The following ARHGEF2 variants were observed in gnomAD, a reference collection of about 807,000 sequenced individuals.
ARHGEF2 encodes rho guanine nucleotide exchange factor 2.
ARHGEF2 carries 22 observed loss-of-function variants against 121.0 expected under a neutral mutation model. The observed-to-expected ratio is 0.18, with a 90% CI of 0.13 to 0.26. ARHGEF2 has a LOEUF of 0.26. Ranked by LOEUF, ARHGEF2 falls within the 10% of genes least tolerant of loss-of-function variation. The pLI is 1.00. For missense variants in ARHGEF2, 907 were observed against 1,336.0 expected (o/e 0.68, Z 5.01); for synonymous variants, 487 against 530.0 (o/e 0.92, Z 1.11).
chr1:155,963,667 T>A (rs1678445113), intron 7 of ARHGEF2, among the ~76,000 whole-genome samples: 1 of 86,490 alleles, frequency 1.2e-5, no homozygotes, highest in Admixed American at 1.7e-4. Flanking sequence ...TTCAAAAATT[T>A]TATTATTATT....
At chr1:155,979,485 C>T (rs113140545), upstream of ARHGEF2, among the ~76,000 whole-genome samples, 41 of 152,348 alleles carry the variant, frequency 2.7e-4, no homozygotes, top group African/African-American at 8.2e-4. Flanking sequence ...GAAAATTCCT[C>T]CTCCAGTCTA....
At chr1:155,966,067 T>C (rs1304964779) in intron 4 of ARHGEF2, among the ~76,000 whole-genome samples, 1 of 152,178 alleles carries the variant, frequency 6.6e-6, no homozygotes, top group Non-Finnish European at 1.5e-5. Context: ...CTGCTCTTTA[T>C]ACCTAAGGGC....
Position 155,966,910 on chromosome 1 carries a change from G to A in ARHGEF2, c.209-23C>T, listed in dbSNP as rs111365916. 355 of 1,611,062 alleles carry A rather than the reference G, an allele frequency of 2.2e-4. 1 individual carries two copies. In the African/African-American group the frequency reaches 4.4e-3, roughly 20 times the overall value. ...AGGCTGGGAGGGTGGGGTAGAGAGG[G>A]TGAAGGGAGGGCCGGGTGGTACAGG... On this transcript the variant is annotated intron_variant, in intron 2 of 21. Coordinates refer to ENST00000361247, the MANE Select transcript of ARHGEF2 (RefSeq NM_001162383.2).
Position 155,960,231 on chromosome 1 carries a change from G to A in ARHGEF2, c.1468+1430C>T, listed in dbSNP as rs768289518. Among the ~76,000 whole-genome samples, 8 of 152,272 alleles carry A rather than the reference G, an allele frequency of 5.3e-5. 1 individual carries two copies. The South Asian group carries it at 8.3e-4, about 16-fold the overall frequency. ...TACAATCCCAGCACTTTGGGAGGCT[G>A]AGGCAGGAGAATCACTTGAGGCCAG... On this transcript the variant is annotated intron_variant, in intron 11 of 21. Transcript: ENST00000361247.
At chr1:155,949,825 C>T (rs1262093920) in intron 21 of ARHGEF2, among the ~76,000 whole-genome samples, 1 of 151,706 alleles carries the variant, frequency 6.6e-6, no homozygotes, top group Non-Finnish European at 1.5e-5. Context: ...TGCAGTGAGC[C>T]AAGATCACGC....
At chr1:155,966,263 C>T (rs1263921938) in intron 4 of ARHGEF2, among the ~76,000 whole-genome samples, 153 bp downstream of exon 4, 2 of 152,012 alleles carry the variant, frequency 1.3e-5, no homozygotes, top group South Asian at 2.1e-4. Context: ...TCCAAGAGTC[C>T]GAACCCTCCC....
intron 7 of ARHGEF2, among the ~76,000 whole-genome samples, chr1:155,964,174 A>ATATATG (rs1553244917): frequency 1.3e-3 from 104 of 78,602 alleles, no homozygotes; most frequent in East Asian, 6.5e-3. Context: ...AAAAATATAT[A>ATATATG]TATATATATA....
At position 155,964,202 on chromosome 1, in the gene ARHGEF2, A is replaced by G. The variant is rs961895441; in HGVS notation, c.724+786T>C. 3.5e-3 allele frequency among the ~76,000 whole-genome samples: 409 copies of G among 117,204 alleles called. 26 individuals carry two copies. The East Asian group carries it at 0.081, about 23-fold the overall frequency. 76.9% of individuals were successfully genotyped at this position (117,204 alleles called of 152,430 possible). On this transcript the variant is annotated intron_variant, in intron 7 of 21. Coordinates refer to ENST00000361247, the MANE Select transcript of ARHGEF2 (RefSeq NM_001162383.2). ...TATATATATATATATATATATACAT[A>G]TATATATATATATATTTTTTTTTTA...
Position 155,966,906 on chromosome 1 carries a change from G to A in ARHGEF2, c.209-19C>T. On this transcript the variant is annotated intron_variant, in intron 2 of 21. Transcript: ENST00000361247. The stretch of plus-strand genomic sequence containing the variant: ...TTGCAGGCTGGGAGGGTGGGGTAGA[G>A]AGGGTGAAGGGAGGGCCGGGTGGTA... The A allele has an allele frequency of 6.2e-7, 1 of 1,612,630 alleles. No individual in the cohort carries two copies. The highest frequency in any genetic ancestry group is 8.5e-7 in the Non-Finnish European group (1 of 1,179,008).
chr1:155,978,390 T>G lies in ARHGEF2; in HGVS notation c.38A>C (p.Asp13Ala), dbSNP rs1177619470. Residue 13 changes from aspartate (D) to alanine (A), a missense_variant, in exon 1 of 22, where the codon GAC (aspartate) becomes GCC (alanine). Coordinates refer to ENST00000361247, the MANE Select transcript of ARHGEF2 (RefSeq NM_001162383.2). The surrounding 1 kb of genome is among the most constrained non-coding windows in gnomAD (Gnocchi z 4.1). ...RIESLTRARI[D>A]RSRELASKTR... Reference sequence around the variant, plus strand: ...CTTGCTCGCCAGCTCTCTGCTCCGGTCGATCCGCGCCCGCGTGAGGGATTC... The same window carrying G: ...CTTGCTCGCCAGCTCTCTGCTCCGGGCGATCCGCGCCCGCGTGAGGGATTC... 2.9e-5 allele frequency: 44 copies of G among 1,519,870 alleles called. No homozygotes were observed. In the Admixed American group the frequency reaches 3.8e-4, roughly 13 times the overall value. 94.1% of individuals were successfully genotyped at this position (1,519,870 alleles called of 1,614,324 possible). A position where few individuals can be genotyped will look rare whatever the true frequency, so the allele number is the denominator to read the frequency against.
Position 155,952,098 on chromosome 1 carries a change from C to T in ARHGEF2, c.2104+18G>A. 1 of 1,614,176 alleles carries T rather than the reference C, an allele frequency of 6.2e-7. No homozygotes were observed. Among genetic ancestry groups the T allele is most frequent in the Non-Finnish European group, 8.5e-7 (1 of 1,180,014 alleles). On this transcript the variant is annotated intron_variant, in intron 16 of 21. Transcript: ENST00000361247. ...GCCCCTCCCACCTACTACCTTGGTC[C>T]CCTGCCCTGGTACTCACTGGCAGTG...
intron 13 of ARHGEF2, among the ~76,000 whole-genome samples, 200 bp downstream of exon 13, chr1:155,957,513 T>C (rs1325647872): frequency 1.3e-5 from 2 of 152,176 alleles, no homozygotes; most frequent in Non-Finnish European, 2.9e-5. Context: ...GGAGTTGAGG[T>C]TGGCAATGTA....
Position 155,950,833 on chromosome 1 carries a change from G to T in ARHGEF2, c.2699C>A (p.Pro900Gln), listed in dbSNP as rs773965365. 8 of 1,522,678 alleles carry T rather than the reference G, an allele frequency of 5.3e-6. No homozygotes were observed. Among genetic ancestry groups the T allele is most frequent in the South Asian group, 1.3e-5 (1 of 76,212 alleles). The allele number at this position is 1,522,678 out of a possible 1,614,324, so 94.3% of individuals were successfully genotyped here. A position where few individuals can be genotyped will look rare whatever the true frequency, so the allele number is the denominator to read the frequency against. ...GDALYLSFNP[P>Q]QPSRGTDRLD... ...CACCACTGCAGGCCACCTTACCTGT[G>T]GGGGGTTGAAACTCAAGTACAGGGC... The change falls in exon 20 of 22, where the codon CCA becomes CAA. Residue 900 changes from proline to glutamine, a missense_variant. Coordinates refer to ENST00000361247, the MANE Select transcript of ARHGEF2 (RefSeq NM_001162383.2). This position sits in a 1 kb window ranked among gnomAD's most constrained non-coding sequence, Gnocchi z 5.2.
chr1:155,952,787 G>A lies in ARHGEF2; in HGVS notation c.1825C>T (p.Arg609Ter). Reference protein sequence around the residue: ...QKDRALVELLREKVGLFAEMT... With the variant: ...QKDRALVELL ...TCAGCAAACAGCCCGACCTTCTCTC[G>A]CAGCAGCTCCACCAGTGCCCGGTCC... Residue 609 changes from arginine to a stop codon, truncating the protein, a stop_gained, in exon 15 of 22, where the codon CGA becomes TGA. Transcript: ENST00000361247. LOFTEE classifies it high-confidence loss of function. 1.9e-6 allele frequency: 3 copies of A among 1,614,140 alleles called. No individual in the cohort carries two copies. The highest frequency in any genetic ancestry group is 2.5e-6 in the Non-Finnish European group (3 of 1,180,026).
Position 155,958,328 on chromosome 1 carries a change from G to C in ARHGEF2, c.1537C>G (p.Pro513Ala), listed in dbSNP as rs1156916418. Residue 513 changes from proline (P) to alanine (A), a missense_variant, in exon 12 of 22, where the codon CCT (proline) becomes GCT (alanine). By Grantham distance (27) the Pro-to-Ala change is conservative. Coordinates refer to ENST00000361247, the MANE Select transcript of ARHGEF2 (RefSeq NM_001162383.2). ...AAGAATGAATGTCTCACCAGGGTAG[G>C]AAAGATGTACTTCTGGTCCTTTTCC... The part of the protein sequence containing the change: ...LQEKDQKYIF[P>A]TLDKPSVVSL... 1.2e-6 allele frequency: 2 copies of C among 1,612,750 alleles called. No individual in the cohort carries two copies. The highest frequency in any genetic ancestry group is 8.5e-7 in the Non-Finnish European group (1 of 1,178,916).
chr1:155,963,256 C>G, intron 7 of ARHGEF2, 73 bp from the exon 8 acceptor site: 1 of 1,519,804 alleles, frequency 6.6e-7, no homozygotes, highest in Non-Finnish European at 9.0e-7. Context: ...GGATAAGGAC[C>G]TCACAGTTCA....
At position 155,968,010 on chromosome 1, in the gene ARHGEF2, A is replaced by G. The variant is rs189514843; in HGVS notation, c.209-1123T>C. On this transcript the variant is annotated intron_variant, in intron 2 of 21. Transcript: ENST00000361247. ...TACCCCCAACACTCAGTGTCTCTGGATTGAACCTCCGCTTTCCACCTGCTC... is the reference window on the plus strand; with the variant it reads ...TACCCCCAACACTCAGTGTCTCTGGGTTGAACCTCCGCTTTCCACCTGCTC... Among the ~76,000 whole-genome samples, 179 of 143,584 alleles carry G rather than the reference A, an allele frequency of 1.2e-3. 1 individual carries two copies. The highest frequency in any genetic ancestry group is 4.4e-3 in the African/African-American group (168 of 38,060). 94.2% of individuals were successfully genotyped at this position (143,584 alleles called of 152,430 possible).
chr1:155,965,228 C>T lies in ARHGEF2; in HGVS notation c.580+75G>A. The T allele has an allele frequency of 6.2e-7, 1 of 1,607,096 alleles. No individual in the cohort carries two copies. On this transcript the variant is annotated intron_variant, in intron 6 of 21. Coordinates refer to ENST00000361247, the MANE Select transcript of ARHGEF2 (RefSeq NM_001162383.2). This position sits in a 1 kb window ranked among gnomAD's most constrained non-coding sequence, Gnocchi z 6.0. Reference sequence around the variant, plus strand: ...TCCCTTCCCTCCTTGTCCTTCCAGGCTACTCCCACCAGCCTCTCATCCCCC... The same window carrying T: ...TCCCTTCCCTCCTTGTCCTTCCAGGTTACTCCCACCAGCCTCTCATCCCCC...
chr1:155,978,686 C>G (rs1344164668), upstream of ARHGEF2: 2 of 982,704 alleles, frequency 2.0e-6, no homozygotes, highest in African/African-American at 1.7e-5. The surrounding 1 kb of genome is among the most constrained non-coding windows in gnomAD (Gnocchi z 4.1). Flanking sequence ...GTGGGGGCAG[C>G]TCGGAGAGGT....
Sources: allele counts gnomAD v4.1 joint callset (sites outside exome capture counted in the v4.1 genomes callset), GRCh38; gene constraint gnomAD v4.1.1; non-coding constraint Gnocchi (gnomAD v3.1); transcripts MANE v1.5; gene names NCBI Gene and HGNC (gene_info 2026-07-23, HGNC 2026-07-21).